The following FER1L5 variants were observed in gnomAD, a reference collection of about 807,000 sequenced individuals.
The protein encoded by FER1L5 is fer-1 like family member 5, also known as fer-1-like protein 5.
FER1L5 carries 187 observed loss-of-function variants against 279.9 expected under a neutral mutation model. The ratio of observed to expected loss-of-function variants is 0.67; its 90% CI spans 0.59 to 0.75. The LOEUF is 0.75. Ranked by LOEUF, FER1L5 falls within the 30% of genes least tolerant of loss-of-function variation. The pLI, the probability that FER1L5 is intolerant of heterozygous loss-of-function variation, is 0.00. For missense variants in FER1L5, 2,091 were observed against 2,594.4 expected (o/e 0.81, Z 4.21); for synonymous variants, 921 against 989.7 (o/e 0.93, Z 1.30).
intron 6 of FER1L5, 26 bp from the exon 7 acceptor site, chr2:96,651,866 C>A (rs145132754): frequency 6.4e-7 from 1 of 1,551,914 alleles, no homozygotes; most frequent in East Asian, 2.4e-5. Flanking sequence ...CCCTCAATAT[C>A]AGCTCCCCAT....
intron 9 of FER1L5, among the ~76,000 whole-genome samples, chr2:96,657,385 T>A (rs1036237171): frequency 2.6e-5 from 4 of 152,158 alleles, no homozygotes; most frequent in African/African-American, 2.4e-5. Flanking sequence ...CTGTTTTTTT[T>A]ATGTTATGGT....
intron 2 of FER1L5, 127 bp from the exon 3 acceptor site, chr2:96,646,937 A>G: frequency 2.1e-6 from 2 of 958,584 alleles, no homozygotes; most frequent in South Asian, 1.7e-5. Flanking sequence ...GAAATTAGAC[A>G]TGAGGGAGGT....
At chr2:96,667,356 T>C (rs2076160901) in intron 14 of FER1L5, among the ~76,000 whole-genome samples, 4 of 151,532 alleles carry the variant, frequency 2.6e-5, no homozygotes, top group African/African-American at 9.6e-5. Flanking sequence ...TCTTTTTTTT[T>C]TTTTTTTTGA....
In FER1L5 at chr2:96,698,882, CCCATCT is replaced by C; in HGVS notation, c.4518+52_4518+57del. On this transcript the variant is annotated intron_variant, in intron 41 of 52. Transcript: ENST00000624922. The surrounding 1 kb of genome is among the most constrained non-coding windows in gnomAD (Gnocchi z 5.5). ...CAGGTGCCCCGCACGCTCCCCTCAA[CCCATCT>C]CTGGGAGCCCCCTCCGACTGCTGAC... The C allele has an allele frequency of 6.5e-7, 1 of 1,544,842 alleles. No individual in the cohort carries two copies.
chr2:96,690,708 C>T, intron 27 of FER1L5, 119 bp downstream of exon 27: 2 of 853,836 alleles, frequency 2.3e-6, no homozygotes, highest in South Asian at 1.7e-5. Context: ...TTCCTGGGGC[C>T]CCCTGGCCTC....
intron 5 of FER1L5, 114 bp downstream of exon 5, chr2:96,649,791 T>A: frequency 9.6e-7 from 1 of 1,043,572 alleles, no homozygotes; most frequent in Non-Finnish European, 1.4e-6. Flanking sequence ...ACAGAAGGAA[T>A]GTGACCAGGC....
intron 19 of FER1L5, among the ~76,000 whole-genome samples, chr2:96,683,312 C>T (rs942249716): frequency 1.3e-5 from 2 of 152,108 alleles, no homozygotes; most frequent in African/African-American, 2.4e-5. Context: ...TGGTTTCTGG[C>T]GGTTGCTGTG....
chr2:96,693,780 C>T, intron 32 of FER1L5, 93 bp downstream of exon 32: 1 of 1,481,430 alleles, frequency 6.8e-7, no homozygotes, highest in Non-Finnish European at 9.0e-7. Flanking sequence ...GGAAAGTGCT[C>T]CCATGAGGCC....
chr2:96,674,522 G>A (rs1454000244), intron 19 of FER1L5, among the ~76,000 whole-genome samples: 1 of 152,070 alleles, frequency 6.6e-6, no homozygotes, highest in Non-Finnish European at 1.5e-5. Context: ...CCGCACCCGG[G>A]CATCTACTTT....
intron 13 of FER1L5, among the ~76,000 whole-genome samples, chr2:96,662,668 A>G (rs1443270911): frequency 6.6e-6 from 1 of 152,198 alleles, no homozygotes; most frequent in Non-Finnish European, 1.5e-5. Context: ...AAAGGGTCCT[A>G]TGTTCAAATT....
chr2:96,676,881 G>C (rs143680018), intron 19 of FER1L5, among the ~76,000 whole-genome samples: 1 of 151,784 alleles, frequency 6.6e-6, no homozygotes, highest in African/African-American at 2.4e-5. Flanking sequence ...TTTTGGGACG[G>C]AGTCTCACTC....
chr2:96,659,379 T>C (rs1460575440), intron 9 of FER1L5, among the ~76,000 whole-genome samples: 23 of 11,050 alleles, frequency 2.1e-3, no homozygotes, highest in African/African-American at 0.014. Context: ...CTTTCTTTCT[T>C]TCTTTCTTTC....
intron 1 of FER1L5, among the ~76,000 whole-genome samples, chr2:96,644,214 C>T (rs1281790825): frequency 6.6e-6 from 1 of 150,458 alleles, no homozygotes; most frequent in Non-Finnish European, 1.5e-5. Context: ...CATGGTGGCT[C>T]ACACCTGTAA....
intron 32 of FER1L5, 34 bp from the exon 33 acceptor site, chr2:96,693,877 T>C (rs188638240): frequency 6.6e-7 from 1 of 1,517,042 alleles, no homozygotes; most frequent in African/African-American, 1.4e-5. Flanking sequence ...CCTGCCAGCA[T>C]GGCCTCCATG....
chr2:96,649,210 G>C (rs1395045778), intron 4 of FER1L5, among the ~76,000 whole-genome samples: 4 of 152,108 alleles, frequency 2.6e-5, no homozygotes, highest in Non-Finnish European at 2.9e-5. Context: ...ATGGTAATGG[G>C]AGCATATGAA....
chr2:96,646,575 C>A, intron 2 of FER1L5, 122 bp downstream of exon 2: 1 of 998,076 alleles, frequency 1.0e-6, no homozygotes, highest in Non-Finnish European at 1.5e-6. Context: ...AGGCTTTCCT[C>A]AAGGCTGGGC....
intron 18 of FER1L5, among the ~76,000 whole-genome samples, chr2:96,671,576 A>G (rs2076331390): frequency 6.6e-6 from 1 of 152,268 alleles, no homozygotes; most frequent in African/African-American, 2.4e-5. Flanking sequence ...AGACATCCAC[A>G]TAGACCAGCT....
chr2:96,654,568 C>A, intron 9 of FER1L5, 72 bp downstream of exon 9: 1 of 398,072 alleles, frequency 2.5e-6, no homozygotes, highest in Non-Finnish European at 4.4e-6. Context: ...GGCTCCATGC[C>A]CAAGTCTAGG....
Position 96,694,151 on chromosome 2 carries a change from A to C in FER1L5, c.3636+79A>C. On this transcript the variant is annotated intron_variant, in intron 33 of 52. Transcript: ENST00000624922. The surrounding 1 kb of genome is among the most constrained non-coding windows in gnomAD (Gnocchi z 4.6). The stretch of plus-strand genomic sequence containing the variant: ...TCCCACCCCCAGCCAGCGGGGGCCA[A>C]CTCCACCCTGTCAGGAAATGCCTGG... The C allele has an allele frequency of 1.4e-6, 2 of 1,464,468 alleles. No homozygotes were observed. Among genetic ancestry groups the C allele is most frequent in the Non-Finnish European group, 9.0e-7 (1 of 1,106,966 alleles). 90.7% of individuals were successfully genotyped at this position (1,464,468 alleles called of 1,614,324 possible).
Sources: allele counts gnomAD v4.1 joint callset (sites outside exome capture counted in the v4.1 genomes callset), GRCh38; gene constraint gnomAD v4.1.1; non-coding constraint Gnocchi (gnomAD v3.1); transcripts MANE v1.5; gene names NCBI Gene and HGNC (gene_info 2026-07-23, HGNC 2026-07-21).